The following GPHN variants were observed in gnomAD, a reference collection of about 807,000 sequenced individuals.
GPHN encodes the protein gephyrin.
GPHN carries 17 observed loss-of-function variants against 95.5 expected under a neutral mutation model. The observed-to-expected ratio is 0.18, with a 90% CI of 0.12 to 0.27. The LOEUF is 0.27. Among genes scored for constraint, GPHN ranks in the 10% least tolerant of loss-of-function variants. The probability of loss-of-function intolerance (pLI) is 1.00; values close to 1 mark genes in which losing one functional copy is unlikely to be tolerated. For missense variants in GPHN, 660 were observed against 978.1 expected (o/e 0.67, Z 4.34); for synonymous variants, 320 against 322.5 (o/e 0.99, Z 0.08).
the GPHN span, among the ~76,000 whole-genome samples, chr14:67,552,724 A>G: frequency 0.92 from 138,331 of 150,488 alleles, 63,757 homozygotes; most frequent in Non-Finnish European, 0.96. Context: ...CCGAGATCGC[A>G]CCACTGCACT....
intron 3 of GPHN, among the ~76,000 whole-genome samples, chr14:66,777,887 G>A (rs2059442712): frequency 6.6e-6 from 1 of 151,984 alleles, no homozygotes; most frequent in Admixed American, 6.5e-5. Context: ...GACAAAAACT[G>A]GAAGCATTCC....
the GPHN span, among the ~76,000 whole-genome samples, chr14:67,310,490 G>GCC: frequency 6.6e-6 from 1 of 152,174 alleles, no homozygotes; most frequent in Admixed American, 6.5e-5. Context: ...ACCAGGTGGG[G>GCC]CCTCTGAGGT....
At chr14:66,765,759 GA>G (rs544732966) in intron 2 of GPHN, among the ~76,000 whole-genome samples, 189 of 144,768 alleles carry the variant, frequency 1.3e-3, no homozygotes, top group African/African-American at 4.6e-3. Flanking sequence ...TACTGAAACA[GA>G]AAAAAAAAAG....
At chr14:67,666,198 T>C in the GPHN span, among the ~76,000 whole-genome samples, 6 of 152,338 alleles carry the variant, frequency 3.9e-5, no homozygotes, top group East Asian at 1.2e-3. Context: ...TTTCCTAGAC[T>C]TTTCTACAAC....
the GPHN span, chr14:67,663,070 T>A: frequency 1.4e-6 from 2 of 1,470,428 alleles, no homozygotes; most frequent in African/African-American, 2.8e-5. Context: ...CTTGTTTTTC[T>A]CTGGGTGTGG....
the GPHN span, among the ~76,000 whole-genome samples, chr14:67,565,698 C>T: frequency 1.3e-5 from 2 of 152,138 alleles, no homozygotes; most frequent in South Asian, 2.1e-4. Flanking sequence ...GACAGCTAAG[C>T]GTTGGCTCCT....
At chr14:67,690,164 C>A in the GPHN span, 20 of 1,546,388 alleles carry the variant, frequency 1.3e-5, no homozygotes, top group Non-Finnish European at 1.7e-5. Context: ...TGGCTTTTAC[C>A]TGCCTCTCTC....
At chr14:67,330,895 A>G in the GPHN span, among the ~76,000 whole-genome samples, 6 of 152,246 alleles carry the variant, frequency 3.9e-5, no homozygotes, top group South Asian at 2.1e-4. Context: ...GTCTTTTCAA[A>G]TTTGTTGAGC....
At chr14:66,739,647 C>A (rs2072626440) in intron 2 of GPHN, among the ~76,000 whole-genome samples, 1 of 151,444 alleles carries the variant, frequency 6.6e-6, no homozygotes. Flanking sequence ...AATGCAGATT[C>A]TCTGGTGAAT....
chr14:67,642,361 C>A, the GPHN span: 2 of 1,613,572 alleles, frequency 1.2e-6, no homozygotes, highest in Non-Finnish European at 1.7e-6. Context: ...GAGGAGACCA[C>A]AGGTAAGCTG....
the GPHN span, chr14:67,390,551 G>A: frequency 2.0e-5 from 15 of 757,208 alleles, no homozygotes; most frequent in East Asian, 7.5e-5. Flanking sequence ...CAGACTTTAC[G>A]GCGGGTGCCA....
chr14:67,351,289 C>A, the GPHN span, among the ~76,000 whole-genome samples: 1 of 151,982 alleles, frequency 6.6e-6, no homozygotes, highest in South Asian at 2.1e-4. Flanking sequence ...CTATACAGTA[C>A]AAAATGATAA....
chr14:67,682,779 C>A, the GPHN span, among the ~76,000 whole-genome samples: 2 of 152,204 alleles, frequency 1.3e-5, no homozygotes, highest in African/African-American at 4.8e-5. Context: ...AAAATTTCTA[C>A]ACAAATGGTC....
chr14:67,734,827 CTCCT>C, the GPHN span, among the ~76,000 whole-genome samples: 4 of 152,228 alleles, frequency 2.6e-5, no homozygotes, highest in African/African-American at 9.6e-5. Context: ...TTATCCCCAT[CTCCT>C]TCCTTCCTGA....
chr14:67,035,757 C>G (rs2074391377), intron 10 of GPHN, among the ~76,000 whole-genome samples: 1 of 151,662 alleles, frequency 6.6e-6, no homozygotes, highest in African/African-American at 2.4e-5. Context: ...AAAAACCTCC[C>G]CATAAAGAAA....
intron 9 of GPHN, among the ~76,000 whole-genome samples, chr14:66,975,538 T>C (rs1043893476): frequency 3.3e-5 from 5 of 152,156 alleles, no homozygotes; most frequent in African/African-American, 1.2e-4. Context: ...AAAAATATTA[T>C]ACTGCGAGGC....
At chr14:67,147,753 A>G (rs1307522604) in intron 18 of GPHN, among the ~76,000 whole-genome samples, 1 of 152,174 alleles carries the variant, frequency 6.6e-6, no homozygotes, top group African/African-American at 2.4e-5. Flanking sequence ...AGGCATTGTC[A>G]AATTTCCAGG....
At chr14:66,945,957 ATTTC>A (rs1269410633) in intron 8 of GPHN, among the ~76,000 whole-genome samples, 1 of 152,030 alleles carries the variant, frequency 6.6e-6, no homozygotes, top group Non-Finnish European at 1.5e-5. Flanking sequence ...AGATAGTTTT[ATTTC>A]TTTTTCTTTT....
intron 1 of GPHN, among the ~76,000 whole-genome samples, chr14:66,582,541 C>T (rs1018069884): frequency 6.6e-6 from 1 of 151,944 alleles, no homozygotes; most frequent in Admixed American, 6.6e-5. Flanking sequence ...CCTCTCCCCC[C>T]ACCCCACAAC....
Sources: gnomAD v4.1 joint callset for allele counts (sites outside exome capture counted in the v4.1 genomes callset) on GRCh38, gnomAD v4.1.1 for gene constraint, MANE v1.5 for transcripts, NCBI Gene and HGNC (gene_info 2026-07-23, HGNC 2026-07-21) for gene names.